The following CNGA1 variants were observed in gnomAD, a reference collection of about 807,000 sequenced individuals.
CNGA1 encodes the protein cyclic nucleotide-gated channel alpha-1.
Under a neutral mutation model 69.7 loss-of-function variants are expected in CNGA1, and 53 were observed. The ratio of observed to expected loss-of-function variants is 0.76; its 90% CI spans 0.61 to 0.96. The LOEUF (loss-of-function observed/expected upper bound fraction) is 0.96. Ranked by LOEUF, CNGA1 falls within the 40% of genes least tolerant of loss-of-function variation. The pLI, the probability that CNGA1 is intolerant of heterozygous loss-of-function variation, is 0.00. For synonymous variants in CNGA1, 249 were observed against 283.5 expected (o/e 0.88, Z 1.22); for missense variants, 739 against 811.2 (o/e 0.91, Z 1.08).
At chr4:47,949,107 A>G (rs1397005638) in intron 6 of CNGA1, among the ~76,000 whole-genome samples, 1 of 152,222 alleles carries the variant, frequency 6.6e-6, no homozygotes, top group Non-Finnish European at 1.5e-5. Flanking sequence ...CGGTTGGGCC[A>G]TACAGTGGCT....
chr4:47,965,614 A>T (rs1342267225), intron 3 of CNGA1, among the ~76,000 whole-genome samples: 2 of 151,898 alleles, frequency 1.3e-5, no homozygotes, highest in African/African-American at 4.8e-5. Flanking sequence ...TTTAGTAGAG[A>T]TGAGGTTTCA....
In CNGA1 at chr4:47,937,722, A is replaced by C. The variant is rs1354051567; in HGVS notation, c.760T>G (p.Leu254Val). ...LDVLSLIPTD[L>V]LYFKLGWNYP... is the part of the protein sequence containing the mutation. ...TTCCACCCTAACTTAAAATACAGCAAATCAGTTGGTATCAGTGACAGAACA... is the reference window on the plus strand; with the variant it reads ...TTCCACCCTAACTTAAAATACAGCACATCAGTTGGTATCAGTGACAGAACA... Residue 254 changes from leucine (L) to valine (V), a missense_variant, in exon 11 of 11, where the codon TTG becomes GTG. Coordinates refer to ENST00000514170, the MANE Select transcript of CNGA1 (RefSeq NM_001379270.1). The C allele has an allele frequency of 3.1e-6, 5 of 1,614,038 alleles. No homozygotes were observed. The highest frequency in any genetic ancestry group is 4.2e-6 in the Non-Finnish European group (5 of 1,179,926).
chr4:47,941,824 G>T (rs768679132), intron 9 of CNGA1, among the ~76,000 whole-genome samples: 8 of 152,056 alleles, frequency 5.3e-5, no homozygotes, highest in Non-Finnish European at 1.2e-4. Flanking sequence ...ACCCCTCCAT[G>T]CATCCCAGTA....
intron 2 of CNGA1, among the ~76,000 whole-genome samples, chr4:47,996,018 G>A (rs1742461146): frequency 1.3e-5 from 2 of 152,100 alleles, no homozygotes; most frequent in African/African-American, 4.8e-5. Context: ...CTCTCATCTG[G>A]GGATACCAGT....
At chr4:47,974,711 T>TG (rs998849870) in intron 3 of CNGA1, among the ~76,000 whole-genome samples, 3 of 150,158 alleles carry the variant, frequency 2.0e-5, no homozygotes, top group Admixed American at 6.7e-5. Context: ...AGAACTAAGT[T>TG]TTTTTTTTTT....
chr4:47,968,703 A>T (rs191388986), intron 3 of CNGA1, among the ~76,000 whole-genome samples: 1 of 152,310 alleles, frequency 6.6e-6, no homozygotes, highest in East Asian at 1.9e-4. Flanking sequence ...AAGAGAAATC[A>T]TCATGGGAGA....
At chr4:48,005,616 G>A (rs1002717838) in intron 2 of CNGA1, among the ~76,000 whole-genome samples, 5 of 152,136 alleles carry the variant, frequency 3.3e-5, no homozygotes, top group African/African-American at 1.2e-4. Flanking sequence ...TTCCTGTTGA[G>A]GTTCCAAGAT....
chr4:48,002,130 T>C (rs1318053178), intron 2 of CNGA1, among the ~76,000 whole-genome samples: 1 of 151,920 alleles, frequency 6.6e-6, no homozygotes, highest in Non-Finnish European at 1.5e-5. Flanking sequence ...AACTTTCACC[T>C]TAGAAACTGG....
In CNGA1 at chr4:47,937,535, G is replaced by A. The variant is rs62625014; in HGVS notation, c.947C>T (p.Ser316Phe). 1.7e-3 allele frequency: 2,699 copies of A among 1,614,178 alleles called. 2 individuals are homozygous for A. Among genetic ancestry groups the A allele is most frequent in the Non-Finnish European group, 2.1e-3 (2,500 of 1,180,036 alleles). The change falls in exon 11 of 11, where the codon TCT (serine) becomes TTT (phenylalanine). Residue 316 changes from serine (S) to phenylalanine (F), a missense_variant. By Grantham distance (155) the Ser-to-Phe change is radical (BLOSUM62 -2). Coordinates refer to ENST00000514170, the MANE Select transcript of CNGA1 (RefSeq NM_001379270.1). ...IIHWNACVFY[S>F]ISKAIGFGND... is the part of the protein sequence containing the mutation. ...TCCAAATCCAATAGCTTTAGAAATAGAGTAGAACACACATGCATTCCAGTG... is the reference window on the plus strand; with the variant it reads ...TCCAAATCCAATAGCTTTAGAAATAAAGTAGAACACACATGCATTCCAGTG...
intron 2 of CNGA1, among the ~76,000 whole-genome samples, chr4:47,989,463 A>G (rs1312872135): frequency 6.6e-6 from 1 of 152,172 alleles, no homozygotes; most frequent in African/African-American, 2.4e-5. Flanking sequence ...TTACCAGGGT[A>G]CCATCATTCT....
chr4:47,961,079 T>C (rs1740408205), intron 3 of CNGA1, among the ~76,000 whole-genome samples: 1 of 152,176 alleles, frequency 6.6e-6, no homozygotes, highest in South Asian at 2.1e-4. Context: ...AATATTTGCA[T>C]CAAAAATATT....
At position 47,961,364 on chromosome 4, in the gene CNGA1, G is replaced by A. The variant is rs532215825; in HGVS notation, c.-14-8661C>T. 2.0e-5 allele frequency among the ~76,000 whole-genome samples: 3 copies of A among 152,324 alleles called. No individual in the cohort carries two copies. The South Asian group carries it at 6.2e-4, about 32-fold the overall frequency. On this transcript the variant is annotated intron_variant, in intron 3 of 10. Coordinates refer to ENST00000514170, the MANE Select transcript of CNGA1 (RefSeq NM_001379270.1). ...TTGAGTAAGGTTGGGGTTGGGGGCT[G>A]TGGAACTGTGCTTTTAAAACCCTCT...
chr4:47,951,328 C>T (rs989183063), intron 5 of CNGA1, 25 bp downstream of exon 5: 1 of 1,451,082 alleles, frequency 6.9e-7, no homozygotes, highest in Admixed American at 1.7e-5. Flanking sequence ...AAAACAAGCA[C>T]CAAGGGATGG....
chr4:47,995,104 T>G (rs1742425743), intron 2 of CNGA1, among the ~76,000 whole-genome samples: 1 of 152,192 alleles, frequency 6.6e-6, no homozygotes, highest in African/African-American at 2.4e-5. Context: ...TCACAGCTCT[T>G]AAGATTCTTT....
chr4:47,954,170 G>A (rs1391856971), intron 3 of CNGA1, among the ~76,000 whole-genome samples: 2 of 152,068 alleles, frequency 1.3e-5, no homozygotes, highest in African/African-American at 2.4e-5. Context: ...ATCAAGAGGA[G>A]TTGCGTCCAG....
chr4:48,003,937 C>A (rs1285879911), intron 2 of CNGA1, among the ~76,000 whole-genome samples: 1 of 150,200 alleles, frequency 6.7e-6, no homozygotes, highest in Non-Finnish European at 1.5e-5. Flanking sequence ...CTATCCTCCA[C>A]CTCTTGTGGA....
rs1411337233 is a variant in CNGA1, at chr4:47,936,402, A to G, written c.*19T>C. On this transcript the variant is annotated 3_prime_UTR_variant, in exon 11 of 11. Transcript: ENST00000514170. ...AAGGATCATGAGGCATGTCCCTGTT[A>G]ATGACCAGCTTTTCGGTTCTATGTA... The G allele has an allele frequency of 6.2e-7, 1 of 1,612,760 alleles. No homozygotes were observed. The highest frequency in any genetic ancestry group is 8.5e-7 in the Non-Finnish European group (1 of 1,178,818).
chr4:48,000,807 AG>A (rs1292312117), intron 2 of CNGA1, among the ~76,000 whole-genome samples: 1 of 152,350 alleles, frequency 6.6e-6, no homozygotes, highest in African/African-American at 2.4e-5. Flanking sequence ...AATATAACAA[AG>A]TAGTATTTTT....
intron 2 of CNGA1, among the ~76,000 whole-genome samples, chr4:48,006,813 G>C (rs1384063259): frequency 6.6e-6 from 1 of 152,034 alleles, no homozygotes; most frequent in Non-Finnish European, 1.5e-5. Context: ...GGTAGAGACA[G>C]AGTTTCACCA....
Sources: gnomAD v4.1 joint callset for allele counts (sites outside exome capture counted in the v4.1 genomes callset) on GRCh38, gnomAD v4.1.1 for gene constraint, MANE v1.5 for transcripts, NCBI Gene and HGNC (gene_info 2026-07-23, HGNC 2026-07-21) for gene names.